SPIDR: variants seen among roughly 807,000 people sequenced by gnomAD.
SPIDR encodes the protein DNA repair-scaffolding protein.
A neutral mutation model predicts 104.6 loss-of-function variants in SPIDR; 93 were observed. The ratio of observed to expected loss-of-function variants is 0.89; its 90% confidence interval spans 0.75 to 1.06. The LOEUF (loss-of-function observed/expected upper bound fraction) is 1.06, where lower values mean the gene tolerates loss of function less well. SPIDR is among the 50% of genes least tolerant of loss of function. The pLI is 0.00. For synonymous variants in SPIDR, 431 were observed against 416.9 expected, an observed-to-expected ratio of 1.03 and a Z score of -0.41; for missense variants, 1,154 against 1,111.2, an observed-to-expected ratio of 1.04 and a Z score of -0.55.
intron 8 of SPIDR, among the ~76,000 whole-genome samples, chr8:47,586,217 A>G (rs1020886212): frequency 2.0e-5 from 3 of 152,194 alleles, no homozygotes; most frequent in South Asian, 2.1e-4. Context: ...TCATATGAAC[A>G]TAAGTTTTCA....
At position 47,585,885 on chromosome 8, in the gene SPIDR, C is replaced by G. The variant is rs545964380; in HGVS notation, c.1098-9926C>G. Among the ~76,000 whole-genome samples, 14 of 152,274 alleles carry G rather than the reference C, an allele frequency of 9.2e-5. No homozygotes were observed. The East Asian group carries it at 2.7e-3, about 29-fold the overall frequency. ...AGCAGAGCCCTCATGACCCAGTCAT[C>G]TCTTTAAGGCTCCACCTCTCAATAC... On this transcript the variant is annotated intron_variant, in intron 8 of 19. Transcript: ENST00000297423.
intron 5 of SPIDR, among the ~76,000 whole-genome samples, chr8:47,376,588 G>A (rs2058685966): frequency 6.6e-6 from 1 of 152,206 alleles, no homozygotes; most frequent in Non-Finnish European, 1.5e-5. Flanking sequence ...GAATATCCCA[G>A]TGCCAGTGGC....
At chr8:47,594,900 G>A (rs2061476590) in intron 8 of SPIDR, among the ~76,000 whole-genome samples, 1 of 152,082 alleles carries the variant, frequency 6.6e-6, no homozygotes, top group Non-Finnish European at 1.5e-5. Context: ...GGAGGCTGAG[G>A]CACGAGAATT....
At chr8:47,374,668 TTAATCTTC>T (rs1247794041) in intron 5 of SPIDR, among the ~76,000 whole-genome samples, 1 of 152,198 alleles carries the variant, frequency 6.6e-6, no homozygotes, top group Non-Finnish European at 1.5e-5. Flanking sequence ...TAGCTAAGTT[TTAATCTTC>T]TAATTTGTTA....
At chr8:47,372,216 A>C (rs2058119279) in intron 5 of SPIDR, among the ~76,000 whole-genome samples, 1 of 152,058 alleles carries the variant, frequency 6.6e-6, no homozygotes, top group South Asian at 2.1e-4. Flanking sequence ...GTCAAGAAAA[A>C]TGTTTTATTT....
chr8:47,384,654 C>T (rs1344796884), intron 5 of SPIDR, among the ~76,000 whole-genome samples: 1 of 152,180 alleles, frequency 6.6e-6, no homozygotes, highest in Non-Finnish European at 1.5e-5. Context: ...GCGGTTCGCT[C>T]TGAGCAGCAG....
intron 8 of SPIDR, among the ~76,000 whole-genome samples, chr8:47,467,127 A>C (rs1241723079): frequency 6.6e-6 from 1 of 152,116 alleles, no homozygotes; most frequent in Non-Finnish European, 1.5e-5. Context: ...GAATGGATAA[A>C]TTCCTGGATG....
chr8:47,560,903 C>T (rs1007199983), intron 8 of SPIDR, among the ~76,000 whole-genome samples: 1 of 152,180 alleles, frequency 6.6e-6, no homozygotes, highest in African/African-American at 2.4e-5. Context: ...CACAATGAAA[C>T]TGTTTCATTC....
At chr8:47,547,405 TTC>T (rs2154395423) in intron 8 of SPIDR, 1 of 282,166 alleles carries the variant, frequency 3.5e-6, no homozygotes, top group Non-Finnish European at 7.1e-6. Flanking sequence ...CATGCAAATC[TTC>T]TCTTTTTTTG....
At chr8:47,658,986 A>G (rs1465596610) in intron 10 of SPIDR, among the ~76,000 whole-genome samples, 1 of 151,034 alleles carries the variant, frequency 6.6e-6, no homozygotes, top group African/African-American at 2.4e-5. Context: ...AGCGCCGCAC[A>G]GTGGCTTACA....
At chr8:47,270,937 T>G (rs908333160) in intron 1 of SPIDR, among the ~76,000 whole-genome samples, 1 of 152,196 alleles carries the variant, frequency 6.6e-6, no homozygotes, top group South Asian at 2.1e-4. Context: ...ATGATTTCAC[T>G]CCTTTTAAAT....
chr8:47,638,587 T>A (rs564502764), intron 10 of SPIDR, among the ~76,000 whole-genome samples: 1 of 152,320 alleles, frequency 6.6e-6, no homozygotes, highest in East Asian at 1.9e-4. Context: ...CAGGAAAAGA[T>A]CCTTTTCTCA....
chr8:47,545,886 GATC>G (rs2089272357), intron 8 of SPIDR, among the ~76,000 whole-genome samples: 1 of 152,006 alleles, frequency 6.6e-6, no homozygotes, highest in Admixed American at 6.6e-5. Context: ...TGATTTATGT[GATC>G]ATATGATTTT....
intron 8 of SPIDR, among the ~76,000 whole-genome samples, chr8:47,503,393 G>A (rs2080883551): frequency 1.3e-5 from 2 of 151,964 alleles, no homozygotes; most frequent in Admixed American, 1.3e-4. Context: ...TTATGTAATG[G>A]CCTTCTTTGT....
chr8:47,306,523 A>G (rs1407839696), intron 5 of SPIDR, among the ~76,000 whole-genome samples: 1 of 152,190 alleles, frequency 6.6e-6, no homozygotes, highest in African/African-American at 2.4e-5. Context: ...GACCTAACAT[A>G]TGGTCTATCC....
At chr8:47,414,437 C>G (rs1377730357) in intron 7 of SPIDR, among the ~76,000 whole-genome samples, 5 of 152,034 alleles carry the variant, frequency 3.3e-5, no homozygotes, top group African/African-American at 9.7e-5. Flanking sequence ...AAATTTTGTT[C>G]TAGATATTAA....
chr8:47,426,662 TAAAG>T (rs1249718463), intron 7 of SPIDR, among the ~76,000 whole-genome samples: 2 of 152,220 alleles, frequency 1.3e-5, no homozygotes, highest in Non-Finnish European at 2.9e-5. Context: ...GGATAATTGA[TAAAG>T]AAATTTATTT....
intron 10 of SPIDR, among the ~76,000 whole-genome samples, chr8:47,636,672 G>T (rs1412548874): frequency 6.6e-6 from 1 of 151,934 alleles, no homozygotes; most frequent in Non-Finnish European, 1.5e-5. Flanking sequence ...AAAATAATTA[G>T]CCAGGTGTAG....
At position 47,676,490 on chromosome 8, in the gene SPIDR, A is replaced by G. The variant is rs569993029; in HGVS notation, c.1685+2549A>G. Among the ~76,000 whole-genome samples, 5 of 150,370 alleles carry G rather than the reference A, an allele frequency of 3.3e-5. No individual in the cohort carries two copies. In the South Asian group the frequency reaches 1.1e-3, roughly 32 times the overall value. On this transcript the variant is annotated intron_variant, in intron 11 of 19. Coordinates refer to ENST00000297423, the MANE Select transcript of SPIDR (RefSeq NM_001080394.4). ...TGCTTATTAGTGACATCATCCATCC[A>G]TGGCCCAGTAAACACAACATTCTCT...
Sources: gnomAD v4.1 joint callset for allele counts (sites outside exome capture counted in the v4.1 genomes callset) on GRCh38, gnomAD v4.1.1 for gene constraint, MANE v1.5 for transcripts, NCBI Gene and HGNC (gene_info 2026-07-23, HGNC 2026-07-21) for gene names.